Variants in CDH4 observed in about 807,000 individuals in gnomAD.
CDH4 encodes cadherin-4.
CDH4 carries 33 observed loss-of-function variants against 86.0 expected under a neutral mutation model. That is an observed-to-expected ratio of 0.38 (90% CI 0.29 to 0.51). CDH4 has a LOEUF of 0.51. Ranked by LOEUF, CDH4 falls within the 20% of genes least tolerant of loss-of-function variation. CDH4 has a pLI of 0.86. For missense variants in CDH4, 1,114 were observed against 1,307.4 expected, an observed-to-expected ratio of 0.85 and a Z score of 2.28; for synonymous variants, 555 against 549.4, an observed-to-expected ratio of 1.01 and a Z score of -0.14.
At chr20:61,450,171 G>A (rs1013157065) in intron 2 of CDH4, among the ~76,000 whole-genome samples, 3 of 152,208 alleles carry the variant, frequency 2.0e-5, no homozygotes, top group African/African-American at 7.2e-5. Flanking sequence ...GTTCATGAAT[G>A]TTTAACCCAA....
At chr20:61,535,970 T>C (rs2085994064) in intron 2 of CDH4, among the ~76,000 whole-genome samples, 1 of 152,102 alleles carries the variant, frequency 6.6e-6, no homozygotes, top group Non-Finnish European at 1.5e-5. Flanking sequence ...TTGGGGTGCT[T>C]ACCTCCCTCA....
chr20:61,646,155 A>G (rs77068710), intron 2 of CDH4, among the ~76,000 whole-genome samples: 648 of 152,242 alleles, frequency 4.3e-3, no homozygotes, highest in African/African-American at 0.014. Context: ...CCGAGCATGC[A>G]GTGTGATTCC....
At chr20:61,900,761 C>T (rs188497290) in intron 8 of CDH4, among the ~76,000 whole-genome samples, 70 of 152,292 alleles carry the variant, frequency 4.6e-4, no homozygotes, top group Middle Eastern at 3.4e-3. Context: ...GGGCGCTGGG[C>T]CAGACTCCCC....
intron 2 of CDH4, among the ~76,000 whole-genome samples, chr20:61,284,101 C>T (rs759564609): frequency 4.0e-5 from 6 of 150,744 alleles, no homozygotes; most frequent in Non-Finnish European, 5.9e-5. Context: ...GTCAGGAGAT[C>T]GAGACCATCC....
At chr20:61,563,327 G>T (rs980562063) in intron 2 of CDH4, among the ~76,000 whole-genome samples, 2 of 152,220 alleles carry the variant, frequency 1.3e-5, no homozygotes, top group Non-Finnish European at 2.9e-5. Context: ...TCCTTGAAAC[G>T]CCTTGGGAAG....
Position 61,252,553 on chromosome 20 carries a change from C to T in CDH4, c.40C>T (p.Leu14Phe). ...CGGCGTGCTCCTTCTGCTGCTCTCG[C>T]TCTCCGGCGCGCTCCGGGTAAGTTG... ...GAGVLLLLLSLSGALRAHNED... is the reference protein window; with the variant it reads ...GAGVLLLLLSFSGALRAHNED... The change falls in exon 1 of 16, where the codon CTC (leucine) becomes TTC (phenylalanine). Residue 14 changes from leucine (L) to phenylalanine (F), a missense_variant. Leu to Phe is a conservative substitution (Grantham distance 22). Coordinates refer to ENST00000614565, the MANE Select transcript of CDH4 (RefSeq NM_001794.5). This position sits in a 1 kb window ranked among gnomAD's most constrained non-coding sequence, Gnocchi z 4.4. 1 of 1,204,632 alleles carries T rather than the reference C, an allele frequency of 8.3e-7. No homozygotes were observed. Among genetic ancestry groups the T allele is most frequent in the Non-Finnish European group, 1.0e-6 (1 of 970,336 alleles). 74.6% of individuals were successfully genotyped at this position (1,204,632 alleles called of 1,614,324 possible).
chr20:61,445,624 A>G (rs118184651), intron 2 of CDH4, among the ~76,000 whole-genome samples: 5,694 of 152,242 alleles, frequency 0.037, 158 homozygotes, highest in Middle Eastern at 0.071. Flanking sequence ...AAAGGGACCA[A>G]GGCCATTCTA....
At position 61,256,991 on chromosome 20, in the gene CDH4, G is replaced by A. The variant is rs149055861; in HGVS notation, c.169+2054G>A. Among the ~76,000 whole-genome samples, 68 of 152,354 alleles carry A rather than the reference G, an allele frequency of 4.5e-4. No individual in the cohort carries two copies. In the East Asian group the frequency reaches 0.012, roughly 26 times the overall value. ...GGCACAGTGACATTTCTCTCTGTACGCAGAGTACTTTGAAACTACAAGACC... is the reference window on the plus strand; with the variant it reads ...GGCACAGTGACATTTCTCTCTGTACACAGAGTACTTTGAAACTACAAGACC... On this transcript the variant is annotated intron_variant, in intron 2 of 15. Transcript: ENST00000614565.
At chr20:61,616,089 G>C (rs1327240845) in intron 2 of CDH4, among the ~76,000 whole-genome samples, 2 of 152,228 alleles carry the variant, frequency 1.3e-5, no homozygotes, top group Admixed American at 6.5e-5. Context: ...TCCGCACAGA[G>C]AGCAGTGGGT....
intron 3 of CDH4, among the ~76,000 whole-genome samples, chr20:61,753,960 C>T (rs1387888676): frequency 1.3e-5 from 2 of 152,096 alleles, no homozygotes; most frequent in Admixed American, 6.5e-5. Flanking sequence ...AAGTGATTAG[C>T]GTGGGCCCTG....
At chr20:61,611,290 A>G (rs908084869) in intron 2 of CDH4, among the ~76,000 whole-genome samples, 1 of 152,102 alleles carries the variant, frequency 6.6e-6, no homozygotes, top group Non-Finnish European at 1.5e-5. Flanking sequence ...GTCCCATCTG[A>G]GAATATACAG....
intron 2 of CDH4, among the ~76,000 whole-genome samples, chr20:61,316,353 C>T (rs531382683): frequency 8.5e-5 from 13 of 152,256 alleles, no homozygotes; most frequent in Admixed American, 5.2e-4. Flanking sequence ...GAGACCGCCG[C>T]GCTGACCTAA....
intron 2 of CDH4, among the ~76,000 whole-genome samples, chr20:61,530,856 T>C (rs901264510): frequency 6.6e-6 from 1 of 152,104 alleles, no homozygotes; most frequent in Non-Finnish European, 1.5e-5. Context: ...TTCACTGTTT[T>C]ATCCATAGCT....
At chr20:61,915,651 G>A (rs189044744) in intron 9 of CDH4, among the ~76,000 whole-genome samples, 1 of 152,324 alleles carries the variant, frequency 6.6e-6, no homozygotes, top group East Asian at 1.9e-4. Flanking sequence ...ACCAAAAGGT[G>A]GCCTGTTGCA....
chr20:61,345,334 C>T (rs6028131), intron 2 of CDH4, among the ~76,000 whole-genome samples: 30,142 of 152,196 alleles, frequency 0.2, 2,974 homozygotes, highest in Middle Eastern at 0.35. Context: ...GACAACACCA[C>T]CCCGCGATGA....
chr20:61,323,747 C>G (rs1323734078), intron 2 of CDH4, among the ~76,000 whole-genome samples: 1 of 152,142 alleles, frequency 6.6e-6, no homozygotes, highest in Non-Finnish European at 1.5e-5. Context: ...GGGGGCTCTC[C>G]CTGGAGAGGA....
chr20:61,933,678 C>T (rs2055141965), intron 14 of CDH4, among the ~76,000 whole-genome samples: 1 of 145,964 alleles, frequency 6.9e-6, no homozygotes, highest in African/African-American at 2.7e-5. Flanking sequence ...TGGCCACCTT[C>T]CCCGCCCCTC....
At chr20:61,535,110 G>A (rs1332332162) in intron 2 of CDH4, among the ~76,000 whole-genome samples, 3 of 152,230 alleles carry the variant, frequency 2.0e-5, no homozygotes, top group African/African-American at 7.2e-5. Flanking sequence ...TGGATGGGTG[G>A]CGCTGGTTGA....
intron 2 of CDH4, among the ~76,000 whole-genome samples, chr20:61,317,800 C>T (rs1018646922): frequency 5.3e-5 from 8 of 152,148 alleles, no homozygotes; most frequent in South Asian, 2.1e-4. Flanking sequence ...GCGTTTTTTC[C>T]GTGTGAATTT....
Sources: gnomAD v4.1 joint callset for allele counts (sites outside exome capture counted in the v4.1 genomes callset) on GRCh38, gnomAD v4.1.1 for gene constraint, Gnocchi (gnomAD v3.1) non-coding constraint, MANE v1.5 for transcripts, NCBI Gene and HGNC (gene_info 2026-07-23, HGNC 2026-07-21) for gene names.